SMCHD1: variants seen among roughly 807,000 people sequenced by gnomAD.
The protein encoded by SMCHD1 is structural maintenance of chromosomes flexible hinge domain-containing protein 1.
SMCHD1 carries 78 observed loss-of-function variants against 254.7 expected under a neutral mutation model. The ratio of observed to expected loss-of-function variants is 0.31; its 90% confidence interval spans 0.26 to 0.37. SMCHD1 has a LOEUF of 0.37. Among genes scored for constraint, SMCHD1 ranks in the 10% least tolerant of loss-of-function variants. The pLI, the probability that SMCHD1 is intolerant of heterozygous loss-of-function variation, is 1.00. For missense variants in SMCHD1, 1,840 were observed against 2,408.1 expected (o/e 0.76, Z 4.94); for synonymous variants, 766 against 794.9 (o/e 0.96, Z 0.61).
intron 45 of SMCHD1, among the ~76,000 whole-genome samples, chr18:2,787,335 C>T (rs970792709): frequency 6.6e-6 from 1 of 152,172 alleles, no homozygotes; most frequent in Non-Finnish European, 1.5e-5. Flanking sequence ...CTCCCAACAC[C>T]ACCATACCAG....
intron 7 of SMCHD1, among the ~76,000 whole-genome samples, chr18:2,690,353 T>C (rs1197502008): frequency 2.6e-5 from 4 of 152,242 alleles, no homozygotes; most frequent in African/African-American, 7.2e-5. Context: ...TTGGCTTATT[T>C]AAAGGATTTT....
At chr18:2,675,262 CTTT>C (rs35137947) in intron 5 of SMCHD1, among the ~76,000 whole-genome samples, 6 of 129,658 alleles carry the variant, frequency 4.6e-5, no homozygotes, top group Admixed American at 1.5e-4. Flanking sequence ...TGACCTCAGC[CTTT>C]TTTTTTTTTT....
intron 46 of SMCHD1, 146 bp downstream of exon 46, chr18:2,796,253 T>C (rs2076261765): frequency 1.1e-6 from 1 of 880,434 alleles, no homozygotes. Flanking sequence ...ATCTGATAAA[T>C]GGTTATAAAC....
At chr18:2,728,709 C>CGTGGAAGGAT in intron 23 of SMCHD1, 113 bp downstream of exon 23, 1 of 1,143,160 alleles carries the variant, frequency 8.7e-7, no homozygotes, top group South Asian at 1.9e-5. Flanking sequence ...ACGATTATTC[C>CGTGGAAGGAT]GTGGAAGGAT....
intron 23 of SMCHD1, 49 bp downstream of exon 23, chr18:2,728,645 C>T (rs747905380): frequency 1.3e-6 from 2 of 1,575,738 alleles, no homozygotes; most frequent in Admixed American, 3.6e-5. Context: ...TAGTAAGTGG[C>T]AATGACTATT....
At chr18:2,660,249 C>T (rs775033789) in intron 1 of SMCHD1, among the ~76,000 whole-genome samples, 18 of 151,942 alleles carry the variant, frequency 1.2e-4, no homozygotes, top group Non-Finnish European at 2.1e-4. Flanking sequence ...TACTTGAACC[C>T]GGGAGTCGGA....
chr18:2,751,721 T>G (rs1359240374), intron 33 of SMCHD1, among the ~76,000 whole-genome samples: 2 of 151,994 alleles, frequency 1.3e-5, no homozygotes, highest in East Asian at 1.9e-4. Flanking sequence ...AGTAAAGAGA[T>G]AGGATTGATA....
intron 3 of SMCHD1, among the ~76,000 whole-genome samples, chr18:2,671,752 C>A (rs113520975): frequency 1.3e-5 from 2 of 151,620 alleles, no homozygotes; most frequent in Non-Finnish European, 2.9e-5. Context: ...CCCACCAGCA[C>A]GCCTGGCGAA....
In SMCHD1 at chr18:2,724,834, A is replaced by G. The variant is rs1568240181; in HGVS notation, c.2604-65A>G. The G allele has an allele frequency of 3.6e-6, 3 of 840,084 alleles. No homozygotes were observed. In the East Asian group the frequency reaches 8.7e-5, roughly 24 times the overall value. 52.0% of individuals were successfully genotyped at this position (840,084 alleles called of 1,614,324 possible). ...CATGCCAATGTCACATAGGAAAGCA[A>G]AAACACATTTGCAGCTTACTTGTAG... On this transcript the variant is annotated intron_variant, in intron 20 of 47. Transcript: ENST00000320876.
At chr18:2,667,157 T>A (rs1170105681) in intron 3 of SMCHD1, 126 bp downstream of exon 3, 1 of 702,186 alleles carries the variant, frequency 1.4e-6, no homozygotes, top group Non-Finnish European at 2.3e-6. Context: ...ACTCATTTTC[T>A]TTCTTACTCA....
intron 41 of SMCHD1, among the ~76,000 whole-genome samples, chr18:2,772,770 A>G (rs895863401): frequency 1.2e-4 from 18 of 152,218 alleles, no homozygotes; most frequent in African/African-American, 4.1e-4. Flanking sequence ...AGCTGTGACT[A>G]CAGGCATGTG....
chr18:2,732,110 C>A (rs191757764), intron 24 of SMCHD1, among the ~76,000 whole-genome samples, 155 bp from the exon 25 acceptor site: 10 of 152,158 alleles, frequency 6.6e-5, no homozygotes, highest in African/African-American at 2.2e-4. Context: ...GTATAAAATA[C>A]GGAATTATTA....
chr18:2,681,037 A>T (rs1411044577), intron 5 of SMCHD1, among the ~76,000 whole-genome samples: 3 of 152,086 alleles, frequency 2.0e-5, no homozygotes, highest in African/African-American at 7.2e-5. Flanking sequence ...AGGCTGAGGC[A>T]GGAAGATTGC....
At chr18:2,707,135 G>A (rs571292559) in intron 15 of SMCHD1, among the ~76,000 whole-genome samples, 31 of 152,210 alleles carry the variant, frequency 2.0e-4, no homozygotes, top group Non-Finnish European at 3.8e-4. Context: ...ATTCGGATGG[G>A]GACACAGAGC....
intron 16 of SMCHD1, 49 bp from the exon 17 acceptor site, chr18:2,707,758 C>G: frequency 6.5e-7 from 1 of 1,527,252 alleles, no homozygotes; most frequent in Non-Finnish European, 9.0e-7. Context: ...TTGGCAGATT[C>G]AGCAAATTTT....
chr18:2,718,239 A>C lies in SMCHD1; in HGVS notation c.2338+4A>C. 1 of 1,612,470 alleles carries C rather than the reference A, an allele frequency of 6.2e-7. No homozygotes were observed. Among genetic ancestry groups the C allele is most frequent in the Non-Finnish European group, 8.5e-7 (1 of 1,178,930 alleles). On this transcript the variant is annotated splice_donor_region_variant and intron_variant, in intron 18 of 47. Transcript: ENST00000320876. This position sits in a 1 kb window ranked among gnomAD's most constrained non-coding sequence, Gnocchi z 4.6. ...CCTTACTGGTTTAAAAAAATGGGTG[A>C]GTTCTTATTCTGAATGTTAAAAAAT... is the stretch of plus-strand genomic sequence containing the variant.
intron 2 of SMCHD1, among the ~76,000 whole-genome samples, chr18:2,666,554 T>C (rs2073444763): frequency 6.6e-6 from 1 of 152,234 alleles, no homozygotes; most frequent in Non-Finnish European, 1.5e-5. Context: ...CAAGACCTGC[T>C]GGTTTTTCAT....
At chr18:2,695,041 A>G (rs111476127) in intron 8 of SMCHD1, among the ~76,000 whole-genome samples, 142 of 80,292 alleles carry the variant, frequency 1.8e-3, no homozygotes, top group African/African-American at 6.1e-3. Context: ...AATCTTCCAT[A>G]CCATATATAT....
At chr18:2,693,777 G>A (rs7231838) in intron 7 of SMCHD1, among the ~76,000 whole-genome samples, 45 of 152,192 alleles carry the variant, frequency 3.0e-4, no homozygotes, top group Non-Finnish European at 5.7e-4. Context: ...GTTTATAGGC[G>A]TGTACCACCA....
Sources: allele counts gnomAD v4.1 joint callset (sites outside exome capture counted in the v4.1 genomes callset), GRCh38; gene constraint gnomAD v4.1.1; non-coding constraint Gnocchi (gnomAD v3.1); transcripts MANE v1.5; gene names NCBI Gene and HGNC (gene_info 2026-07-23, HGNC 2026-07-21).